The following CREBBP variants were observed in gnomAD, a reference collection of about 807,000 sequenced individuals.
The protein encoded by CREBBP is CREB-binding protein.
In CREBBP, 19 loss-of-function variants were observed where a neutral mutation model predicts 265.0. The ratio of observed to expected loss-of-function variants is 0.07; its 90% confidence interval spans 0.05 to 0.11. The LOEUF (loss-of-function observed/expected upper bound fraction) is 0.11. Ranked by LOEUF, CREBBP falls within the 10% of genes least tolerant of loss-of-function variation. CREBBP has a pLI of 1.00. For missense variants in CREBBP, 2,525 were observed against 3,219.0 expected (o/e 0.78, Z 5.22); for synonymous variants, 1,457 against 1,223.7 (o/e 1.19, Z -3.98).
chr16:3,745,632 T>A (rs926321108), intron 21 of CREBBP: 1 of 487,418 alleles, frequency 2.1e-6, no homozygotes, highest in Admixed American at 3.3e-5. Flanking sequence ...TTTTTAAAAA[T>A]TGCTGCGACA....
chr16:3,872,591 G>A (rs748788103), intron 1 of CREBBP, among the ~76,000 whole-genome samples: 9 of 152,178 alleles, frequency 5.9e-5, no homozygotes, highest in Non-Finnish European at 1.2e-4. Context: ...GAGTGTATCC[G>A]GAGGGATGCA....
chr16:3,746,359 A>AC (rs1555475673), intron 21 of CREBBP, among the ~76,000 whole-genome samples: 11 of 151,672 alleles, frequency 7.3e-5, no homozygotes, highest in South Asian at 2.1e-4. Flanking sequence ...TGAAAAAAAA[A>AC]ACACACACAC....
At chr16:3,849,424 T>TGTGTGTGTGTG (rs2054747436) in intron 2 of CREBBP, among the ~76,000 whole-genome samples, 1 of 7,402 alleles carries the variant, frequency 1.4e-4, no homozygotes, top group African/African-American at 1.6e-4. Context: ...TGTGTGTGTG[T>TGTGTGTGTGTG]GTGTGTGTGT....
chr16:3,776,467 C>T (rs1048269372), intron 11 of CREBBP, among the ~76,000 whole-genome samples: 2 of 152,158 alleles, frequency 1.3e-5, no homozygotes, highest in African/African-American at 4.8e-5. Context: ...GCTGACACCC[C>T]AACCTGGCAC....
intron 1 of CREBBP, among the ~76,000 whole-genome samples, chr16:3,862,771 C>G (rs571378587): frequency 6.6e-6 from 1 of 152,298 alleles, no homozygotes; most frequent in South Asian, 2.1e-4. Flanking sequence ...CTCCCCACGG[C>G]AGAGCAGCCA....
At position 3,729,742 on chromosome 16, in the gene CREBBP, G is replaced by A. The variant is rs2151311827; in HGVS notation, c.5305C>T (p.Arg1769Trp). The change falls in exon 31 of 31, where the codon CGG (arginine) becomes TGG (tryptophan). Residue 1769 changes from arginine to tryptophan, a missense_variant. Physicochemically the swap from Arg to Trp is moderately radical, Grantham distance 101. Around this residue, in one of 19 missense-constraint regions of CREBBP, gnomAD observed 62 missense variants for 156.2 expected, o/e 0.40. Coordinates refer to ENST00000262367, the MANE Select transcript of CREBBP (RefSeq NM_004380.3). ...PQSKSPQESR[R>W]LSIQRCIQSL... ...TGGATGCAGCGCTGGATGCTCAGCC[G>A]GCGTGACTCCTGGGGGCTCTTTGAC... The A allele has an allele frequency of 6.2e-7, 1 of 1,608,754 alleles. No individual in the cohort carries two copies. Among genetic ancestry groups the A allele is most frequent in the Non-Finnish European group, 8.5e-7 (1 of 1,179,086 alleles).
chr16:3,744,816 A>T, intron 23 of CREBBP, 78 bp downstream of exon 23: 1 of 1,124,658 alleles, frequency 8.9e-7, no homozygotes, highest in Non-Finnish European at 1.4e-6. Flanking sequence ...GTTGAGAGGA[A>T]CCAAAGAACA....
chr16:3,831,181 T>C (rs920783469), intron 2 of CREBBP, among the ~76,000 whole-genome samples: 7 of 152,186 alleles, frequency 4.6e-5, no homozygotes, highest in South Asian at 4.1e-4. Context: ...CAAAGCATGT[T>C]TTCTGAACAC....
rs587778217 is a variant in CREBBP at position 3,778,074 on chromosome 16, C to T, written c.2050G>A (p.Ala684Thr). The change falls in exon 10 of 31, where the codon GCC becomes ACC. Residue 684 changes from alanine (A) to threonine (T), a missense_variant. By Grantham distance (58) the Ala-to-Thr change is moderately conservative. This residue lies in a region of CREBBP where 548 missense variants were observed against 533.0 expected (regional missense o/e 1.03). Transcript: ENST00000262367. ...HKQGILGNQP[A>T]LPAPGAQPPV... The stretch of plus-strand genomic sequence containing the variant: ...GGCTGAGCCCCCGGGGCTGGTAAGG[C>T]TGGCTGGTTCCCCAAGATGCCTTGT... The T allele has an allele frequency of 2.5e-6, 4 of 1,614,140 alleles. No homozygotes were observed. The highest frequency in any genetic ancestry group is 1.7e-5 in the Admixed American group (1 of 60,008).
chr16:3,850,539 G>T lies in CREBBP; in HGVS notation c.556C>A (p.Pro186Thr), dbSNP rs1457107041. The change falls in exon 2 of 31, where the codon CCA becomes ACA. Residue 186 changes from proline (P) to threonine (T), a missense_variant. Pro to Thr is a conservative substitution (Grantham distance 38). Transcript: ENST00000262367. ...CCAGAGTTACTATTGAGGAGGCCTG[G>T]GTGGGTCTGGTTAAAGTTAGCATTC... The part of the protein sequence containing the change: ...CMNANFNQTH[P>T]GLLNSNSGHS... 1.2e-6 allele frequency: 2 copies of T among 1,614,116 alleles called. No homozygotes were observed. The highest frequency in any genetic ancestry group is 2.2e-5 in the East Asian group (1 of 44,902).
In CREBBP at chr16:3,729,418, C is replaced by T. The variant is rs370389591; in HGVS notation, c.5629G>A (p.Val1877Met). 8.1e-6 allele frequency: 13 copies of T among 1,613,320 alleles called. No homozygotes were observed. Among genetic ancestry groups the T allele is most frequent in the Admixed American group, 3.3e-5 (2 of 59,984 alleles). ...RRMATMNTRN[V>M]PQQSLPSPTS... ...GGAGAAGGCAGACTCTGCTGAGGCA[C>T]GTTGCGGGTGTTCATGGTGGCCATC... Residue 1877 changes from valine (V) to methionine (M), a missense_variant, in exon 31 of 31, where the codon GTG (valine) becomes ATG (methionine). Transcript: ENST00000262367.
chr16:3,773,771 C>T lies in CREBBP; in HGVS notation c.2443G>A (p.Ala815Thr), dbSNP rs1382941447. ...AMSVGMGQPP[A>T]QTGVSQGQVP... is the part of the protein sequence containing the mutation. ...AGTACCTGTGACACGCCTGTTTGGG[C>T]TGGCGGCTGCCCCATGCCCACACTC... The change falls in exon 13 of 31, where the codon GCC becomes ACC. Residue 815 changes from alanine to threonine, a missense_variant. Ala to Thr is a moderately conservative substitution (Grantham distance 58, BLOSUM62 0). Coordinates refer to ENST00000262367, the MANE Select transcript of CREBBP (RefSeq NM_004380.3). The T allele has an allele frequency of 1.2e-6, 2 of 1,613,916 alleles. No individual in the cohort carries two copies. Among genetic ancestry groups the T allele is most frequent in the Middle Eastern group, 1.7e-4 (1 of 5,898 alleles).
chr16:3,854,382 T>C (rs988169401), intron 1 of CREBBP, among the ~76,000 whole-genome samples: 1 of 152,232 alleles, frequency 6.6e-6, no homozygotes, highest in Admixed American at 6.5e-5. Flanking sequence ...TAAGGATGGC[T>C]GTAGCCAAAA....
At chr16:3,844,967 A>G (rs1009371161) in intron 2 of CREBBP, among the ~76,000 whole-genome samples, 1 of 152,232 alleles carries the variant, frequency 6.6e-6, no homozygotes, top group Admixed American at 6.5e-5. Context: ...TATATGTATA[A>G]GAAGACTCAG....
At position 3,751,737 on chromosome 16, in the gene CREBBP, T is replaced by C; in HGVS notation, c.3768A>G (p.Ser1256=). 2.5e-6 allele frequency: 4 copies of C among 1,614,140 alleles called. No homozygotes were observed. Among genetic ancestry groups the C allele is most frequent in the Non-Finnish European group, 3.4e-6 (4 of 1,180,006 alleles). The part of the protein sequence containing the change: ...GENVTLGDDP[S]QPQTTISKDQ... ...AGGACGGTACTTACGTCTGGGGCTG[T>C]GAAGGGTCGTCACCCAGGGTCACAT... The change falls in exon 20 of 31, where the codon TCA becomes TCG. Residue 1256 remains serine, a synonymous_variant. Coordinates refer to ENST00000262367, the MANE Select transcript of CREBBP (RefSeq NM_004380.3).
chr16:3,826,888 A>C (rs895480165), intron 2 of CREBBP, among the ~76,000 whole-genome samples: 3 of 152,226 alleles, frequency 2.0e-5, no homozygotes, highest in Non-Finnish European at 4.4e-5. Context: ...TGACAAACAC[A>C]ACACAGGAAA....
At chr16:3,875,957 A>T (rs2055391083) in intron 1 of CREBBP, among the ~76,000 whole-genome samples, 1 of 152,194 alleles carries the variant, frequency 6.6e-6, no homozygotes, top group Non-Finnish European at 1.5e-5. Context: ...TCACGTCATA[A>T]AATGTAATCA....
intron 3 of CREBBP, among the ~76,000 whole-genome samples, chr16:3,806,826 T>C (rs2053840130): frequency 6.6e-6 from 1 of 151,924 alleles, no homozygotes; most frequent in Non-Finnish European, 1.5e-5. Context: ...CCTGCTCCCT[T>C]CCCTCATGGT....
At chr16:3,809,095 T>C (rs976740262) in intron 3 of CREBBP, among the ~76,000 whole-genome samples, 4 of 152,086 alleles carry the variant, frequency 2.6e-5, no homozygotes, top group South Asian at 4.1e-4. Context: ...ACAAGGGGAT[T>C]ATCAGAAGAA....
Sources: allele counts gnomAD v4.1 joint callset (sites outside exome capture counted in the v4.1 genomes callset), GRCh38; gene constraint gnomAD v4.1.1; regional missense constraint gnomAD v4.1.1; transcripts MANE v1.5; gene names NCBI Gene and HGNC (gene_info 2026-07-23, HGNC 2026-07-21).